Variants in TOX observed in about 807,000 individuals in gnomAD.
TOX encodes thymocyte selection-associated high mobility group box protein TOX.
TOX carries 11 observed loss-of-function variants against 53.7 expected under a neutral mutation model. That is an observed-to-expected ratio of 0.20 (90% CI 0.13 to 0.34). The LOEUF is 0.34. Ranked by LOEUF, TOX falls within the 10% of genes least tolerant of loss-of-function variation. The pLI is 1.00. For synonymous variants in TOX, 225 were observed against 245.3 expected, an observed-to-expected ratio of 0.92 and a Z score of 0.77; for missense variants, 570 against 664.6, an observed-to-expected ratio of 0.86 and a Z score of 1.56.
intron 1 of TOX, among the ~76,000 whole-genome samples, chr8:59,021,499 T>TACAC (rs1554539851): frequency 1.3e-4 from 14 of 109,640 alleles, no homozygotes; most frequent in South Asian, 5.5e-4. Context: ...TATATATATA[T>TACAC]GCACATATAT....
chr8:59,019,160 T>G (rs1464295220), intron 1 of TOX, among the ~76,000 whole-genome samples: 2 of 152,210 alleles, frequency 1.3e-5, no homozygotes, highest in Non-Finnish European at 2.9e-5. Context: ...TTCATTTGCT[T>G]TCTTTAGTGT....
intron 1 of TOX, among the ~76,000 whole-genome samples, chr8:59,040,823 C>T (rs568181948): frequency 2.0e-5 from 3 of 152,306 alleles, no homozygotes; most frequent in East Asian, 1.9e-4. Context: ...GGGATGGCCC[C>T]GCCTCTCTGA....
At chr8:59,106,319 AAAAG>A (rs1804901919) in intron 1 of TOX, among the ~76,000 whole-genome samples, 1 of 152,136 alleles carries the variant, frequency 6.6e-6, no homozygotes, top group East Asian at 1.9e-4. Flanking sequence ...GGGGGAAAAA[AAAAG>A]AAAGAAAGAT....
intron 1 of TOX, among the ~76,000 whole-genome samples, chr8:58,965,629 A>G (rs1812880301): frequency 2.0e-5 from 3 of 152,170 alleles, no homozygotes; most frequent in African/African-American, 7.2e-5. Flanking sequence ...AGGGGGAAAA[A>G]CAGCCTCATG....
intron 3 of TOX, among the ~76,000 whole-genome samples, chr8:58,905,169 G>C (rs183110954): frequency 1.3e-5 from 2 of 152,316 alleles, no homozygotes; most frequent in East Asian, 1.9e-4. Flanking sequence ...TTGCCCTCAT[G>C]ATCTACCCGC....
chr8:58,950,655 T>C (rs1812606881), intron 2 of TOX, among the ~76,000 whole-genome samples: 1 of 152,196 alleles, frequency 6.6e-6, no homozygotes, highest in African/African-American at 2.4e-5. Flanking sequence ...CCCTCGATGT[T>C]CAGTTCCCCA....
intron 3 of TOX, among the ~76,000 whole-genome samples, chr8:58,930,498 G>A (rs1812239647): frequency 6.6e-6 from 1 of 152,190 alleles, no homozygotes; most frequent in South Asian, 2.1e-4. Context: ...AATGCTGAGT[G>A]TTAATGCTGA....
At chr8:58,947,972 C>G (rs1203005395) in intron 2 of TOX, among the ~76,000 whole-genome samples, 1 of 152,224 alleles carries the variant, frequency 6.6e-6, no homozygotes, top group Non-Finnish European at 1.5e-5. Flanking sequence ...CTGGTCCCAC[C>G]AATCAAAGCA....
chr8:59,094,340 A>C (rs1458047087), intron 1 of TOX, among the ~76,000 whole-genome samples: 2 of 152,062 alleles, frequency 1.3e-5, no homozygotes, highest in African/African-American at 4.8e-5. Flanking sequence ...CTACAATATT[A>C]AATTAGCATA....
chr8:58,851,690 T>G lies in TOX; in HGVS notation c.527A>C (p.His176Pro). Residue 176 changes from histidine to proline, a missense_variant, in exon 4 of 9, where the codon CAT becomes CCT. His to Pro is a moderately conservative substitution (Grantham distance 77). This residue lies in a region of TOX where 282 missense variants were observed against 315.0 expected (regional missense o/e 0.90). Transcript: ENST00000361421. The surrounding 1 kb of genome is among the most constrained non-coding windows in gnomAD (Gnocchi z 4.4). Reference sequence around the variant, plus strand: ...CTGGTTAATGGTAGTCAGCTGGCCATGTGGCATCATTCCTGGCTGCTGCCT... The same window carrying G: ...CTGGTTAATGGTAGTCAGCTGGCCAGGTGGCATCATTCCTGGCTGCTGCCT... ...DIRQQPGMMP[H>P]GQLTTINQSQ... The G allele has an allele frequency of 6.2e-7, 1 of 1,613,696 alleles. No individual in the cohort carries two copies. The highest frequency in any genetic ancestry group is 1.3e-5 in the African/African-American group (1 of 74,982).
chr8:59,113,773 C>T (rs967067044), intron 1 of TOX, among the ~76,000 whole-genome samples: 1 of 151,852 alleles, frequency 6.6e-6, no homozygotes, highest in Non-Finnish European at 1.5e-5. Flanking sequence ...AGGTAAGAGG[C>T]GCTGGGCATA....
chr8:59,002,641 A>G (rs1179451652), intron 1 of TOX, among the ~76,000 whole-genome samples: 1 of 152,078 alleles, frequency 6.6e-6, no homozygotes, highest in Non-Finnish European at 1.5e-5. Context: ...TCAGGCATAT[A>G]AAATGAACAA....
chr8:59,022,961 G>GCA, intron 1 of TOX, among the ~76,000 whole-genome samples: 1 of 152,114 alleles, frequency 6.6e-6, no homozygotes. Context: ...TCTATGAAAA[G>GCA]CACACACACC....
chr8:59,017,265 T>C (rs1002661938), intron 1 of TOX, among the ~76,000 whole-genome samples: 7 of 152,256 alleles, frequency 4.6e-5, no homozygotes, highest in African/African-American at 1.4e-4. Flanking sequence ...AAACATTCTA[T>C]ATGTAAATGA....
chr8:58,972,880 C>T (rs188684894), intron 1 of TOX, among the ~76,000 whole-genome samples: 346 of 152,228 alleles, frequency 2.3e-3, no homozygotes, highest in Non-Finnish European at 3.3e-3. Context: ...GATAATATTG[C>T]TTAAAATACC....
intron 1 of TOX, among the ~76,000 whole-genome samples, chr8:58,998,538 T>A (rs868520071): frequency 1.1e-4 from 15 of 131,206 alleles, no homozygotes; most frequent in African/African-American, 4.2e-4. Flanking sequence ...TATATATATA[T>A]AAATTTATAT....
intron 1 of TOX, among the ~76,000 whole-genome samples, chr8:59,011,034 A>T (rs1244899067): frequency 6.6e-6 from 1 of 152,240 alleles, no homozygotes; most frequent in Non-Finnish European, 1.5e-5. Context: ...GTTTGCCTGG[A>T]TAAAGAAAGA....
intron 1 of TOX, among the ~76,000 whole-genome samples, chr8:58,970,651 G>T (rs765087434): frequency 2.0e-5 from 3 of 152,164 alleles, no homozygotes; most frequent in Non-Finnish European, 2.9e-5. Context: ...TTCTACTGTT[G>T]TTGCTTCACT....
intron 3 of TOX, among the ~76,000 whole-genome samples, chr8:58,909,740 C>A (rs1811879253): frequency 6.6e-6 from 1 of 151,800 alleles, no homozygotes. Flanking sequence ...TCACTGCAAC[C>A]TCCACCTCCT....
Sources: gnomAD v4.1 joint callset for allele counts (sites outside exome capture counted in the v4.1 genomes callset) on GRCh38, gnomAD v4.1.1 for gene constraint, gnomAD v4.1.1 regional missense constraint, Gnocchi (gnomAD v3.1) non-coding constraint, MANE v1.5 for transcripts, NCBI Gene and HGNC (gene_info 2026-07-23, HGNC 2026-07-21) for gene names.